The following RNF145 variants were observed in gnomAD, a reference collection of about 807,000 sequenced individuals.
RNF145 encodes ring finger protein 145.
In RNF145, 12 loss-of-function variants were observed where a neutral mutation model predicts 57.3. The observed-to-expected ratio is 0.21, with a 90% CI of 0.13 to 0.34. The LOEUF (loss-of-function observed/expected upper bound fraction) is 0.34. RNF145 is among the 10% of genes least tolerant of loss of function. The pLI is 1.00. For synonymous variants in RNF145, 262 were observed against 288.3 expected (o/e 0.91, Z 0.92); for missense variants, 429 against 799.0 (o/e 0.54, Z 5.58).
intron 3 of RNF145, among the ~76,000 whole-genome samples, chr5:159,189,243 ACTC>A (rs1785201218): frequency 6.6e-6 from 1 of 152,302 alleles, no homozygotes; most frequent in Non-Finnish European, 1.5e-5. Flanking sequence ...TATATAAAGA[ACTC>A]CTACAACTTA....
chr5:159,207,237 AAGAAAAATGTAGG>A (rs1785921674), intron 1 of RNF145, among the ~76,000 whole-genome samples: 1 of 152,222 alleles, frequency 6.6e-6, no homozygotes, highest in East Asian at 1.9e-4. Flanking sequence ...CGTCCTGAAT[AAGAAAAATGTAGG>A]TTTTTACAGT....
chr5:159,158,220 C>G lies in RNF145; in HGVS notation c.*450G>C, dbSNP rs1324180159. 1 of 166,158 alleles carries G rather than the reference C, an allele frequency of 6.0e-6. No homozygotes were observed. Among genetic ancestry groups the G allele is most frequent in the Non-Finnish European group, 1.3e-5 (1 of 75,244 alleles). The allele number at this position is 166,158 out of a possible 1,614,324, so 10.3% of individuals were successfully genotyped here. Reference sequence around the variant, plus strand: ...ACGGGGTGGAGGAGAGGGCTGGTTGCTATTCAGACTTGATAATGAGATTGA... The same window carrying G: ...ACGGGGTGGAGGAGAGGGCTGGTTGGTATTCAGACTTGATAATGAGATTGA... On this transcript the variant is annotated 3_prime_UTR_variant, in exon 11 of 11. Coordinates refer to ENST00000424310, the MANE Select transcript of RNF145 (RefSeq NM_001199383.2).
chr5:159,176,602 C>G, intron 5 of RNF145, 30 bp downstream of exon 5: 1 of 1,185,068 alleles, frequency 8.4e-7, no homozygotes, highest in Non-Finnish European at 1.2e-6. Flanking sequence ...AGAATTTTAT[C>G]TACCTGTTTG....
intron 3 of RNF145, among the ~76,000 whole-genome samples, chr5:159,193,144 G>T (rs1206000838): frequency 6.6e-6 from 1 of 152,164 alleles, no homozygotes; most frequent in Non-Finnish European, 1.5e-5. Flanking sequence ...TTTTCATGAA[G>T]GAGTCTAAGA....
At chr5:159,186,651 T>C (rs1364615338) in intron 3 of RNF145, among the ~76,000 whole-genome samples, 1 of 152,162 alleles carries the variant, frequency 6.6e-6, no homozygotes, top group Non-Finnish European at 1.5e-5. Context: ...TACCATACCG[T>C]CAGCACTGAG....
intron 3 of RNF145, among the ~76,000 whole-genome samples, chr5:159,192,452 G>A (rs912573019): frequency 1.3e-5 from 2 of 152,042 alleles, no homozygotes; most frequent in Admixed American, 6.6e-5. Context: ...ATATTAAGAG[G>A]TCTACCTTCA....
At chr5:159,203,917 A>C (rs1467532050) in intron 1 of RNF145, among the ~76,000 whole-genome samples, 1 of 152,222 alleles carries the variant, frequency 6.6e-6, no homozygotes, top group Non-Finnish European at 1.5e-5. Flanking sequence ...TTAAAAGGCC[A>C]CTAACTCCAA....
chr5:159,171,793 A>C (rs1784568829), intron 6 of RNF145, among the ~76,000 whole-genome samples: 1 of 152,172 alleles, frequency 6.6e-6, no homozygotes, highest in African/African-American at 2.4e-5. Flanking sequence ...AGGCACACAA[A>C]AGCATGGATA....
rs534799074 is a variant in RNF145 at position 159,200,447 on chromosome 5, A to G, written c.184+2987T>C. 2.0e-5 allele frequency among the ~76,000 whole-genome samples: 3 copies of G among 152,326 alleles called. No individual in the cohort carries two copies. The South Asian group carries it at 6.2e-4, about 32-fold the overall frequency. ...AGAATTCAGTATATAATGAGAAAAA[A>G]ATGGACTAAATAGGTGAGGATGACT... On this transcript the variant is annotated intron_variant, in intron 2 of 10. Coordinates refer to ENST00000424310, the MANE Select transcript of RNF145 (RefSeq NM_001199383.2).
intron 3 of RNF145, among the ~76,000 whole-genome samples, chr5:159,190,846 C>T (rs1785265514): frequency 6.6e-6 from 1 of 151,948 alleles, no homozygotes; most frequent in Non-Finnish European, 1.5e-5. Context: ...TCAAGGACAG[C>T]ACATCTTTAC....
At chr5:159,159,101 A>G (rs1325140997) in intron 10 of RNF145, 66 bp from the exon 11 acceptor site, 2 of 1,459,784 alleles carry the variant, frequency 1.4e-6, no homozygotes, top group Non-Finnish European at 1.9e-6. Context: ...TGCTATCCCC[A>G]AAGTTCTGGT....
chr5:159,203,521 A>G lies in RNF145; in HGVS notation c.97T>C (p.Ser33Pro). 3 of 1,614,066 alleles carry G rather than the reference A, an allele frequency of 1.9e-6. No individual in the cohort carries two copies. Among genetic ancestry groups the G allele is most frequent in the Non-Finnish European group, 2.5e-6 (3 of 1,179,970 alleles). ...CTTCTTTGGATCTGCTGGAAAAAGG[A>G]GCTGACATCCCATCTGTACAGGACA... is the stretch of plus-strand genomic sequence containing the variant. ...LDVLYRWDVS[S>P]FFQQIQRSSL... The change falls in exon 2 of 11, where the codon TCC (serine) becomes CCC (proline). Residue 33 changes from serine to proline, a missense_variant. Ser to Pro is a moderately conservative substitution (Grantham distance 74). Transcript: ENST00000424310.
At chr5:159,178,414 A>G (rs748352048) in intron 4 of RNF145, among the ~76,000 whole-genome samples, 1 of 151,986 alleles carries the variant, frequency 6.6e-6, no homozygotes. Context: ...TCAGTGATCT[A>G]TTCTAATGAT....
Position 159,208,063 on chromosome 5 carries a change from G to C in RNF145, c.-40+1168C>G, listed in dbSNP as rs80236369. On this transcript the variant is annotated intron_variant, in intron 1 of 10. Transcript: ENST00000424310. Reference sequence around the variant, plus strand: ...CTCTTTACTGCAGACTGCGACGCAAGGCCATCCACTAATCTTTGATGCCTG... The same window carrying C: ...CTCTTTACTGCAGACTGCGACGCAACGCCATCCACTAATCTTTGATGCCTG... 3,658 of 1,494,614 alleles carry C rather than the reference G, an allele frequency of 2.4e-3. 62 individuals carry two copies. The African/African-American group carries it at 0.039, about 16-fold the overall frequency. The allele number at this position is 1,494,614 out of a possible 1,614,324, so 92.6% of individuals were successfully genotyped here. A position where few individuals can be genotyped will look rare whatever the true frequency, so the allele number is the denominator to read the frequency against.
At chr5:159,169,622 TTCC>T (rs1488213365) in intron 7 of RNF145, 54 bp downstream of exon 7, 31 of 1,356,788 alleles carry the variant, frequency 2.3e-5, no homozygotes, top group Non-Finnish European at 2.9e-5. Flanking sequence ...TCATCATTAC[TTCC>T]TCAAGTTATC....
At chr5:159,189,912 G>T (rs963691288) in intron 3 of RNF145, among the ~76,000 whole-genome samples, 3 of 152,172 alleles carry the variant, frequency 2.0e-5, no homozygotes, top group African/African-American at 7.2e-5. Flanking sequence ...GGGCAGGGAG[G>T]GTGGTGGGAA....
intron 8 of RNF145, 90 bp from the exon 9 acceptor site, chr5:159,163,169 T>C: frequency 8.0e-7 from 1 of 1,245,968 alleles, no homozygotes; most frequent in Non-Finnish European, 1.1e-6. Flanking sequence ...GGTGCCATGA[T>C]CAAATTTCAC....
intron 2 of RNF145, among the ~76,000 whole-genome samples, chr5:159,197,362 T>C (rs1785494590): frequency 6.6e-6 from 1 of 152,224 alleles, no homozygotes; most frequent in African/African-American, 2.4e-5. Context: ...AAAGCCTCAA[T>C]ATAAAGCCTA....
At chr5:159,183,672 G>A (rs1784967931) in intron 3 of RNF145, among the ~76,000 whole-genome samples, 2 of 152,008 alleles carry the variant, frequency 1.3e-5, no homozygotes. Flanking sequence ...ACCTAAAAGA[G>A]ATACAACTCT....
Sources: allele counts gnomAD v4.1 joint callset (sites outside exome capture counted in the v4.1 genomes callset), GRCh38; gene constraint gnomAD v4.1.1; transcripts MANE v1.5; gene names NCBI Gene and HGNC (gene_info 2026-07-23, HGNC 2026-07-21).